EYS: variants seen among roughly 807,000 people sequenced by gnomAD.
The protein encoded by EYS is protein eyes shut homolog.
Under a neutral mutation model 282.1 loss-of-function variants are expected in EYS, and 250 were observed. The ratio of observed to expected loss-of-function variants is 0.89; its 90% CI spans 0.80 to 0.98. The LOEUF (loss-of-function observed/expected upper bound fraction) is 0.98. Ranked by LOEUF, EYS falls within the 50% of genes least tolerant of loss-of-function variation. The pLI is 0.00. For synonymous variants in EYS, 1,355 were observed against 1,282.9 expected, an observed-to-expected ratio of 1.06 and a Z score of -1.20; for missense variants, 4,016 against 3,709.0, an observed-to-expected ratio of 1.08 and a Z score of -2.15.
intron 22 of EYS, among the ~76,000 whole-genome samples, chr6:64,669,576 C>T (rs1769367646): frequency 6.6e-6 from 1 of 152,086 alleles, no homozygotes. Context: ...TTCCTTAAGA[C>T]ACAATTAAGT....
At chr6:64,645,763 A>AT (rs1001324690) in intron 22 of EYS, among the ~76,000 whole-genome samples, 87 of 152,252 alleles carry the variant, frequency 5.7e-4, no homozygotes, top group African/African-American at 2.0e-3. Flanking sequence ...AATGCTAGTG[A>AT]TTTTTTAATT....
At chr6:65,035,880 G>C (rs74371378) in intron 13 of EYS, among the ~76,000 whole-genome samples, 39 of 145,280 alleles carry the variant, frequency 2.7e-4, no homozygotes, top group African/African-American at 9.8e-4. Context: ...TTAATAATTT[G>C]TTTGTAATAT....
intron 2 of EYS, among the ~76,000 whole-genome samples, chr6:65,580,927 T>A (rs1764845050): frequency 6.6e-6 from 1 of 152,088 alleles, no homozygotes; most frequent in African/African-American, 2.4e-5. Flanking sequence ...TATTTCAAAT[T>A]GTAAGCATTA....
At chr6:63,987,231 G>A (rs1385613604) in intron 34 of EYS, among the ~76,000 whole-genome samples, 1 of 151,654 alleles carries the variant, frequency 6.6e-6, no homozygotes, top group African/African-American at 2.4e-5. Flanking sequence ...ATAGCTTGCT[G>A]TTTTTTCAGT....
intron 13 of EYS, among the ~76,000 whole-genome samples, chr6:65,040,943 A>G (rs1772915835): frequency 6.6e-6 from 1 of 151,706 alleles, no homozygotes; most frequent in South Asian, 2.1e-4. Flanking sequence ...ACCTATAAAT[A>G]TCTTATCACA....
chr6:64,697,972 T>G (rs1012453536), intron 22 of EYS, among the ~76,000 whole-genome samples: 3 of 151,396 alleles, frequency 2.0e-5, no homozygotes, highest in East Asian at 1.9e-4. Context: ...GCAAAAAAAA[T>G]CAAAATTAGA....
chr6:64,382,316 C>T (rs1208205542), intron 29 of EYS, among the ~76,000 whole-genome samples: 1 of 152,138 alleles, frequency 6.6e-6, no homozygotes, highest in Non-Finnish European at 1.5e-5. Context: ...CTGAGAACTT[C>T]CTGAATCATG....
intron 30 of EYS, among the ~76,000 whole-genome samples, chr6:64,277,475 T>C (rs1768154900): frequency 6.6e-6 from 1 of 152,078 alleles, no homozygotes; most frequent in Non-Finnish European, 1.5e-5. Context: ...CAGAAAGAAC[T>C]GAGATTTATA....
chr6:65,393,077 A>G (rs934898775), intron 7 of EYS, among the ~76,000 whole-genome samples: 1 of 151,960 alleles, frequency 6.6e-6, no homozygotes, highest in Non-Finnish European at 1.5e-5. Flanking sequence ...CAAGAACAAA[A>G]AACCAAACAC....
intron 14 of EYS, 103 bp from the exon 15 acceptor site, chr6:64,946,017 T>C: frequency 3.2e-6 from 3 of 940,420 alleles, no homozygotes; most frequent in Non-Finnish European, 4.4e-6. Flanking sequence ...CAATTTATAA[T>C]TTTTTTAGTT....
At chr6:64,878,594 T>C (rs1279988269) in intron 19 of EYS, among the ~76,000 whole-genome samples, 1 of 152,002 alleles carries the variant, frequency 6.6e-6, no homozygotes, top group Non-Finnish European at 1.5e-5. Context: ...AGAACATTCA[T>C]TCTCATTCTC....
chr6:63,863,386 G>A (rs554142512), intron 36 of EYS, among the ~76,000 whole-genome samples: 1 of 152,036 alleles, frequency 6.6e-6, no homozygotes, highest in African/African-American at 2.4e-5. Flanking sequence ...CCTAAAGAGA[G>A]ACGCATGTCT....
intron 9 of EYS, among the ~76,000 whole-genome samples, chr6:65,348,523 G>C (rs1770485013): frequency 6.6e-6 from 1 of 151,570 alleles, no homozygotes; most frequent in Non-Finnish European, 1.5e-5. Context: ...ATCTTCTTTT[G>C]AGCCACATCT....
intron 31 of EYS, among the ~76,000 whole-genome samples, chr6:64,090,456 T>G (rs1157920547): frequency 1.3e-5 from 2 of 152,154 alleles, no homozygotes; most frequent in Non-Finnish European, 2.9e-5. Flanking sequence ...AATATAGAAT[T>G]GATAATACCT....
intron 22 of EYS, among the ~76,000 whole-genome samples, chr6:64,734,691 A>AAAGT (rs1170187601): frequency 6.6e-6 from 1 of 152,196 alleles, no homozygotes; most frequent in African/African-American, 2.4e-5. Context: ...ACTACACTAG[A>AAAGT]AAGTGTGTAT....
At chr6:65,150,426 A>G (rs1315955948) in intron 12 of EYS, among the ~76,000 whole-genome samples, 6 of 151,944 alleles carry the variant, frequency 3.9e-5, no homozygotes, top group African/African-American at 1.4e-4. Context: ...GCCCAATTAC[A>G]TCCACACTAA....
intron 2 of EYS, among the ~76,000 whole-genome samples, chr6:65,553,796 A>T (rs1341237096): frequency 1.3e-5 from 2 of 152,140 alleles, no homozygotes; most frequent in East Asian, 3.9e-4. Flanking sequence ...ATAATGTCCA[A>T]ATCTCAAGCT....
intron 34 of EYS, among the ~76,000 whole-genome samples, chr6:63,997,464 A>G (rs1275256371): frequency 2.6e-5 from 4 of 152,172 alleles, no homozygotes; most frequent in African/African-American, 4.8e-5. Context: ...GGAGCACTTG[A>G]ATTGGGCTGA....
chr6:64,275,083 T>G (rs1053672279), intron 30 of EYS, among the ~76,000 whole-genome samples: 1 of 152,200 alleles, frequency 6.6e-6, no homozygotes. Context: ...AATTGGTGAC[T>G]GGTAATGGGA....
Sources: allele counts gnomAD v4.1 joint callset (sites outside exome capture counted in the v4.1 genomes callset), GRCh38; gene constraint gnomAD v4.1.1; transcripts MANE v1.5; gene names NCBI Gene and HGNC (gene_info 2026-07-23, HGNC 2026-07-21).